ATP13A4: variants seen among roughly 807,000 people sequenced by gnomAD.
ATP13A4 encodes the protein ATPase 13A4.
Under a neutral mutation model 142.5 loss-of-function variants are expected in ATP13A4, and 114 were observed. The observed-to-expected ratio is 0.80, with a 90% CI of 0.69 to 0.93. The LOEUF (loss-of-function observed/expected upper bound fraction) is 0.93. Ranked by LOEUF, ATP13A4 falls within the 40% of genes least tolerant of loss-of-function variation. The probability of loss-of-function intolerance (pLI) is 0.00; values close to 1 mark genes in which losing one functional copy is unlikely to be tolerated. For missense variants in ATP13A4, 1,392 were observed against 1,454.0 expected (o/e 0.96, Z 0.69); for synonymous variants, 488 against 514.8 (o/e 0.95, Z 0.70).
chr3:193,546,345 A>G (rs140486214), intron 1 of ATP13A4, among the ~76,000 whole-genome samples: 34 of 152,230 alleles, frequency 2.2e-4, no homozygotes, highest in Admixed American at 3.9e-4. Flanking sequence ...GTAGTTACTT[A>G]CATTCCTTTC....
chr3:193,554,689 T>C, intron 1 of ATP13A4, 51 bp downstream of exon 1: 1 of 1,545,902 alleles, frequency 6.5e-7, no homozygotes. Flanking sequence ...TGTGTGTGTC[T>C]CGCAGGCTGA....
chr3:193,581,919 A>T (rs9868128), intron 1 of ATP13A4: 79,355 of 151,728 alleles, frequency 0.52, 21,481 homozygotes, highest in African/African-American at 0.65. Context: ...GGAAAACATA[A>T]CATAAACCGA....
intron 12 of ATP13A4, among the ~76,000 whole-genome samples, chr3:193,463,272 G>C (rs1462659240): frequency 1.3e-5 from 2 of 152,100 alleles, no homozygotes; most frequent in Non-Finnish European, 2.9e-5. Context: ...TCTAATGGTA[G>C]ACTGAATGGA....
chr3:193,467,550 C>CT, intron 9 of ATP13A4, 64 bp from the exon 10 acceptor site: 1 of 1,507,216 alleles, frequency 6.6e-7, no homozygotes, highest in South Asian at 1.1e-5. Flanking sequence ...ATCATGCCTG[C>CT]ACCCACTCAT....
At chr3:193,582,095 ATATATATATATAT>A (rs749451293) in intron 1 of ATP13A4, among the ~76,000 whole-genome samples, 77,847 of 147,186 alleles carry the variant, frequency 0.53, 21,490 homozygotes, top group African/African-American at 0.66. Flanking sequence ...ATATATATAT[ATATATATATATAT>A]AATATACACA....
intron 1 of ATP13A4, among the ~76,000 whole-genome samples, chr3:193,528,386 C>T (rs1380647699): frequency 6.6e-6 from 1 of 152,164 alleles, no homozygotes; most frequent in Non-Finnish European, 1.5e-5. Context: ...CTTAAGATGG[C>T]ACCATCAAGC....
At chr3:193,544,561 G>T in intron 1 of ATP13A4, among the ~76,000 whole-genome samples, 1 of 152,184 alleles carries the variant, frequency 6.6e-6, no homozygotes, top group Non-Finnish European at 1.5e-5. Flanking sequence ...GGAGCACAAA[G>T]AGAGACCACT....
In ATP13A4 at chr3:193,481,639, T is replaced by C. The variant is rs147605795; in HGVS notation, c.808+2297A>G. ...CAGAACTGTTTTTAATGTTCATCTA[T>C]GGTATTTTCTTGGCAAAGAAAATCG... On this transcript the variant is annotated intron_variant, in intron 8 of 29. Transcript: ENST00000342695. Among the ~76,000 whole-genome samples, 4 of 152,312 alleles carry C rather than the reference T, an allele frequency of 2.6e-5. No individual in the cohort carries two copies. The East Asian group carries it at 7.7e-4, about 29-fold the overall frequency.
chr3:193,408,181 A>G (rs1252028959), intron 28 of ATP13A4, among the ~76,000 whole-genome samples: 1 of 152,282 alleles, frequency 6.6e-6, no homozygotes, highest in East Asian at 1.9e-4. Context: ...TAGTGGGAGT[A>G]AAAACTGAAA....
At chr3:193,547,160 C>A (rs750906022) in intron 1 of ATP13A4, among the ~76,000 whole-genome samples, 1 of 152,146 alleles carries the variant, frequency 6.6e-6, no homozygotes, top group Non-Finnish European at 1.5e-5. Context: ...CTATTAAATC[C>A]ATTTTTTACT....
intron 2 of ATP13A4, among the ~76,000 whole-genome samples, chr3:193,578,643 G>A (rs1724462149): frequency 6.6e-6 from 1 of 152,120 alleles, no homozygotes; most frequent in Non-Finnish European, 1.5e-5. Flanking sequence ...CCCTCACCCA[G>A]TGTGGGCATG....
intron 1 of ATP13A4, among the ~76,000 whole-genome samples, chr3:193,538,394 A>C (rs990056430): frequency 4.6e-5 from 7 of 151,076 alleles, no homozygotes; most frequent in Non-Finnish European, 8.9e-5. Context: ...ACCAAATCAG[A>C]CAGATCCTAG....
At chr3:193,498,452 T>C (rs1056473970) in intron 3 of ATP13A4, among the ~76,000 whole-genome samples, 1 of 152,138 alleles carries the variant, frequency 6.6e-6, no homozygotes, top group African/African-American at 2.4e-5. Flanking sequence ...CAAGTTCATA[T>C]GTGAATGTGA....
chr3:193,537,121 T>TA (rs1475075567), intron 1 of ATP13A4, among the ~76,000 whole-genome samples: 9 of 152,004 alleles, frequency 5.9e-5, no homozygotes, highest in African/African-American at 1.7e-4. Context: ...AAATTTATAT[T>TA]AAAAAATCAA....
intron 25 of ATP13A4, among the ~76,000 whole-genome samples, chr3:193,417,256 T>C (rs1015364442): frequency 6.6e-6 from 1 of 152,150 alleles, no homozygotes; most frequent in Non-Finnish European, 1.5e-5. Context: ...GAATACAAGA[T>C]AGCTACTCAA....
chr3:193,489,579 A>G (rs1212011002), intron 7 of ATP13A4, 151 bp downstream of exon 7: 1 of 768,084 alleles, frequency 1.3e-6, no homozygotes, highest in Non-Finnish European at 2.2e-6. Flanking sequence ...TAAATTGTTG[A>G]ACACTGGTTA....
intron 18 of ATP13A4, 91 bp from the exon 19 acceptor site, chr3:193,442,647 C>T (rs1403378938): frequency 7.7e-7 from 1 of 1,290,768 alleles, no homozygotes; most frequent in Non-Finnish European, 1.1e-6. Flanking sequence ...GAGTTCAGTC[C>T]TTATTTCAGG....
At chr3:193,491,959 A>G (rs1479621687) in intron 5 of ATP13A4, among the ~76,000 whole-genome samples, 1 of 152,152 alleles carries the variant, frequency 6.6e-6, no homozygotes, top group East Asian at 1.9e-4. Context: ...TGTTTCTTTG[A>G]TTATGCAGAG....
At chr3:193,519,626 ATTTTTTTTTTTTTTTTT>A (rs147173408) in intron 1 of ATP13A4, among the ~76,000 whole-genome samples, 1 of 69,010 alleles carries the variant, frequency 1.4e-5, no homozygotes, top group Admixed American at 2.0e-4. Flanking sequence ...GCAATTTGTA[ATTTTTTTTTTTTTTTTT>A]TTTTTTTTTT....
Sources: allele counts gnomAD v4.1 joint callset (sites outside exome capture counted in the v4.1 genomes callset), GRCh38; gene constraint gnomAD v4.1.1; transcripts MANE v1.5; gene names NCBI Gene and HGNC (gene_info 2026-07-23, HGNC 2026-07-21).